The following IL1RAPL2 variants were observed in gnomAD, a reference collection of about 807,000 sequenced individuals.
The protein encoded by IL1RAPL2 is X-linked interleukin-1 receptor accessory protein-like 2.
A neutral mutation model predicts 44.1 loss-of-function variants in IL1RAPL2; 3 were observed. The ratio of observed to expected loss-of-function variants is 0.07; its 90% confidence interval spans 0.03 to 0.18. The LOEUF is 0.18. Ranked by LOEUF, IL1RAPL2 falls within the 10% of genes least tolerant of loss-of-function variation. The pLI, the probability that IL1RAPL2 is intolerant of heterozygous loss-of-function variation, is 1.00. For missense variants in IL1RAPL2, 391 were observed against 496.4 expected (o/e 0.79, Z 2.02); for synonymous variants, 181 against 178.8 (o/e 1.01, Z -0.10).
At chrX:104,910,250 G>C (rs1336287846) in intron 2 of IL1RAPL2, among the ~76,000 whole-genome samples, 1 of 111,883 alleles carries the variant, frequency 8.9e-6, no homozygotes, top group Non-Finnish European at 1.9e-5. Flanking sequence ...TGCGCCCACT[G>C]TCTGGCACTC....
At chrX:104,974,772 C>G (rs2030300452) in intron 2 of IL1RAPL2, among the ~76,000 whole-genome samples, 1 of 112,116 alleles carries the variant, frequency 8.9e-6, no homozygotes, top group Admixed American at 9.4e-5. Flanking sequence ...GGGTCCAGAC[C>G]CTTAGTAAAT....
At chrX:105,344,093 C>G (rs995223955) in intron 5 of IL1RAPL2, among the ~76,000 whole-genome samples, 1 of 111,325 alleles carries the variant, frequency 9.0e-6, no homozygotes, top group African/African-American at 3.3e-5. Context: ...CGGGGTTTTG[C>G]CATGTTGGCC....
At chrX:104,770,941 A>T (rs953471932) in intron 2 of IL1RAPL2, among the ~76,000 whole-genome samples, 3 of 111,348 alleles carry the variant, frequency 2.7e-5, no homozygotes, top group African/African-American at 9.8e-5. Flanking sequence ...TATTTTGATG[A>T]CCATCCAAGG....
At chrX:105,411,313 C>T (rs754654584) in intron 5 of IL1RAPL2, among the ~76,000 whole-genome samples, 1 of 111,341 alleles carries the variant, frequency 9.0e-6, no homozygotes, top group South Asian at 3.7e-4. Context: ...TCGTACCTAT[C>T]AATAATAACC....
At chrX:104,758,626 C>T (rs187645870) in intron 2 of IL1RAPL2, among the ~76,000 whole-genome samples, 119 of 111,382 alleles carry the variant, frequency 1.1e-3, no homozygotes, top group African/African-American at 3.7e-3. Context: ...AAGCCATTTG[C>T]GTTTTGAGCT....
intron 5 of IL1RAPL2, among the ~76,000 whole-genome samples, chrX:105,427,192 A>G (rs1237621257): frequency 8.9e-6 from 1 of 111,852 alleles, no homozygotes; most frequent in Admixed American, 9.5e-5. Context: ...TTTGGGCTCC[A>G]TGCTTTCTTT....
rs2036251627 is a variant in IL1RAPL2 at position 105,484,345 on chromosome X, T to C, written c.730T>C (p.Phe244Leu). The stretch of plus-strand genomic sequence containing the variant: ...CACAGACAAGCCTCCCAAGCCATTG[T>C]TCCCCATGGAGAATCAGCCAAGTGT... ...LLTDKPPKPL[F>L]PMENQPSVID... is the part of the protein sequence containing the mutation. Residue 244 changes from phenylalanine to leucine, a missense_variant, in exon 6 of 11, where the codon TTC becomes CTC. By Grantham distance (22) the Phe-to-Leu change is conservative. Around this residue, in one of 2 missense-constraint regions of IL1RAPL2, gnomAD observed 159 missense variants for 251.7 expected, o/e 0.63. Transcript: ENST00000372582. 8.3e-7 allele frequency: 1 copy of C among 1,204,905 alleles called. No individual in the cohort carries two copies. The highest frequency in any genetic ancestry group is 1.1e-6 in the Non-Finnish European group (1 of 890,477).
chrX:105,332,069 A>G (rs759138826), intron 5 of IL1RAPL2, among the ~76,000 whole-genome samples: 5 of 109,716 alleles, frequency 4.6e-5, no homozygotes, highest in Non-Finnish European at 9.5e-5. Context: ...CACCAGAACA[A>G]TCCAAATGAA....
At chrX:105,483,339 T>C (rs959238527) in intron 5 of IL1RAPL2, among the ~76,000 whole-genome samples, 2 of 111,608 alleles carry the variant, frequency 1.8e-5, no homozygotes, top group African/African-American at 6.5e-5. Flanking sequence ...TAATTCATGG[T>C]GCTCACAAAA....
chrX:104,742,438 C>T (rs1386873619), intron 2 of IL1RAPL2, among the ~76,000 whole-genome samples: 3 of 111,182 alleles, frequency 2.7e-5, no homozygotes, highest in Non-Finnish European at 5.7e-5. Context: ...GTTTCTCTGG[C>T]CAATTGTAAA....
chrX:104,927,243 T>G (rs1193378116), intron 2 of IL1RAPL2, among the ~76,000 whole-genome samples: 1 of 111,650 alleles, frequency 9.0e-6, no homozygotes, highest in Non-Finnish European at 1.9e-5. Flanking sequence ...AACCTACCTT[T>G]GAAAGTCAAC....
chrX:105,249,152 AC>A (rs2034247948), intron 4 of IL1RAPL2, among the ~76,000 whole-genome samples: 1 of 111,700 alleles, frequency 9.0e-6, no homozygotes, highest in Non-Finnish European at 1.9e-5. Context: ...ACAATGGAAT[AC>A]TATTCAGCCA....
At chrX:105,215,228 G>A (rs999277345) in intron 3 of IL1RAPL2, among the ~76,000 whole-genome samples, 3 of 111,236 alleles carry the variant, frequency 2.7e-5, no homozygotes, top group African/African-American at 9.9e-5. Flanking sequence ...GACTAATGAA[G>A]AAGAAAAGAG....
chrX:105,358,107 G>C (rs1044345132), intron 5 of IL1RAPL2, among the ~76,000 whole-genome samples: 1 of 107,376 alleles, frequency 9.3e-6, no homozygotes, highest in Non-Finnish European at 1.9e-5. Context: ...ATGGAGAATG[G>C]AGAATAGTTG....
At position 104,730,132 on chromosome X, in the gene IL1RAPL2, A is replaced by G. The variant is rs748887742; in HGVS notation, c.82+71137A>G. Among the ~76,000 whole-genome samples the G allele has an allele frequency of 9.0e-5, 10 of 111,657 alleles. No individual in the cohort carries two copies. The East Asian group carries it at 1.7e-3, about 19-fold the overall frequency. Reference sequence around the variant, plus strand: ...TTTTAAACAAGTTAGTCTCAAATATATAAAGCAATATTTGAAAGAAATACT... The same window carrying G: ...TTTTAAACAAGTTAGTCTCAAATATGTAAAGCAATATTTGAAAGAAATACT... On this transcript the variant is annotated intron_variant, in intron 2 of 10. Transcript: ENST00000372582.
intron 2 of IL1RAPL2, among the ~76,000 whole-genome samples, chrX:104,987,330 G>A (rs965871888): frequency 2.7e-5 from 3 of 109,677 alleles, no homozygotes; most frequent in Non-Finnish European, 5.7e-5. Flanking sequence ...ACAAGCTTCT[G>A]GCATATACCC....
At chrX:104,958,673 G>C (rs368111748) in intron 2 of IL1RAPL2, among the ~76,000 whole-genome samples, 1 of 105,090 alleles carries the variant, frequency 9.5e-6, no homozygotes, top group Non-Finnish European at 1.9e-5. Context: ...ATGTGCCTTG[G>C]ATTCCTTCTT....
chrX:105,526,053 A>T (rs901888121), intron 6 of IL1RAPL2, among the ~76,000 whole-genome samples: 1 of 111,841 alleles, frequency 8.9e-6, no homozygotes, highest in Non-Finnish European at 1.9e-5. Context: ...CACAGTTGAA[A>T]TGGATTGTAT....
intron 5 of IL1RAPL2, among the ~76,000 whole-genome samples, chrX:105,443,341 G>A (rs1001764017): frequency 9.0e-6 from 1 of 111,232 alleles, no homozygotes; most frequent in Non-Finnish European, 1.9e-5. Context: ...TACTATTTGT[G>A]TTACAAACAA....
Sources: allele counts gnomAD v4.1 joint callset (sites outside exome capture counted in the v4.1 genomes callset), GRCh38; gene constraint gnomAD v4.1.1; regional missense constraint gnomAD v4.1.1; transcripts MANE v1.5; gene names NCBI Gene and HGNC (gene_info 2026-07-23, HGNC 2026-07-21).